DNER: variants seen among roughly 807,000 people sequenced by gnomAD.
DNER encodes delta/notch like EGF repeat containing.
DNER carries 33 observed loss-of-function variants against 78.2 expected under a neutral mutation model. That is an observed-to-expected ratio of 0.42 (90% CI 0.32 to 0.56). The LOEUF (loss-of-function observed/expected upper bound fraction) is 0.56. DNER is among the 20% of genes least tolerant of loss of function. The pLI, the probability that DNER is intolerant of heterozygous loss-of-function variation, is 0.11. For missense variants in DNER, 918 were observed against 975.3 expected (o/e 0.94, Z 0.78); for synonymous variants, 417 against 384.8 (o/e 1.08, Z -0.98).
intron 9 of DNER, among the ~76,000 whole-genome samples, chr2:229,409,063 TA>T: frequency 6.6e-6 from 1 of 152,178 alleles, no homozygotes; most frequent in East Asian, 1.9e-4. Flanking sequence ...GGTTGCATGG[TA>T]ACATAAAAGA....
At chr2:229,435,125 A>G (rs1694095091) in intron 8 of DNER, among the ~76,000 whole-genome samples, 1 of 152,176 alleles carries the variant, frequency 6.6e-6, no homozygotes, top group Non-Finnish European at 1.5e-5. Context: ...GGCAAACAAC[A>G]GAAGAAGCAG....
chr2:229,592,426 C>T (rs148420146), intron 1 of DNER, among the ~76,000 whole-genome samples: 164 of 152,312 alleles, frequency 1.1e-3, no homozygotes, highest in African/African-American at 3.8e-3. Context: ...TAATTAAAGA[C>T]TTCCAAAATG....
intron 5 of DNER, among the ~76,000 whole-genome samples, chr2:229,538,268 A>G (rs2154212993): frequency 6.6e-6 from 1 of 152,348 alleles, no homozygotes; most frequent in Non-Finnish European, 1.5e-5. Context: ...CGTTAGCATT[A>G]AGTCTGGAGC....
At chr2:229,399,375 A>C (rs1693216734) in intron 10 of DNER, among the ~76,000 whole-genome samples, 1 of 151,866 alleles carries the variant, frequency 6.6e-6, no homozygotes, top group Non-Finnish European at 1.5e-5. Context: ...CAGGGAAAAA[A>C]TGTTGATGAA....
chr2:229,466,980 T>C (rs1694818462), intron 7 of DNER, among the ~76,000 whole-genome samples: 1 of 152,176 alleles, frequency 6.6e-6, no homozygotes, highest in South Asian at 2.1e-4. Flanking sequence ...CATAAATTTC[T>C]TTGGTCATCA....
chr2:229,374,433 A>G (rs1336604372), intron 11 of DNER, among the ~76,000 whole-genome samples: 1 of 152,192 alleles, frequency 6.6e-6, no homozygotes, highest in Non-Finnish European at 1.5e-5. Context: ...TACCTTTAAG[A>G]CACCCAAGTA....
intron 4 of DNER, among the ~76,000 whole-genome samples, chr2:229,550,486 C>T (rs1002475477): frequency 2.0e-5 from 3 of 151,928 alleles, no homozygotes; most frequent in African/African-American, 4.8e-5. Context: ...CTTATAAGTA[C>T]GTTAAGTTGG....
intron 1 of DNER, among the ~76,000 whole-genome samples, chr2:229,630,008 T>C (rs901649044): frequency 3.9e-5 from 6 of 152,254 alleles, no homozygotes; most frequent in Non-Finnish European, 7.3e-5. Context: ...ATCTCATCTA[T>C]AGGCACAATC....
At chr2:229,431,061 AAAG>A (rs1693993172) in intron 8 of DNER, among the ~76,000 whole-genome samples, 1 of 152,196 alleles carries the variant, frequency 6.6e-6, no homozygotes, top group Non-Finnish European at 1.5e-5. Context: ...AATATGCAGA[AAAG>A]AAAATCTTTG....
intron 9 of DNER, among the ~76,000 whole-genome samples, chr2:229,407,768 C>T (rs1371862174): frequency 2.0e-5 from 3 of 151,922 alleles, no homozygotes; most frequent in Non-Finnish European, 4.4e-5. Context: ...TAAGTGAGTC[C>T]CAGTTCTACT....
At chr2:229,480,013 A>G (rs1695122391) in intron 6 of DNER, among the ~76,000 whole-genome samples, 1 of 152,226 alleles carries the variant, frequency 6.6e-6, no homozygotes, top group Non-Finnish European at 1.5e-5. Context: ...CATGACCCAC[A>G]GCCAGCAGCC....
intron 1 of DNER, among the ~76,000 whole-genome samples, chr2:229,673,669 A>C (rs1194506289): frequency 6.6e-6 from 1 of 152,170 alleles, no homozygotes; most frequent in Non-Finnish European, 1.5e-5. Flanking sequence ...TCAGAATGCC[A>C]GGACAGTGCT....
At chr2:229,388,115 A>T in intron 11 of DNER, 150 bp downstream of exon 11, 1 of 1,181,586 alleles carries the variant, frequency 8.5e-7, no homozygotes, top group Admixed American at 2.7e-5. Flanking sequence ...GGGCAAGTGT[A>T]GCTCCGGTTG....
At chr2:229,440,470 T>C (rs1694208656) in intron 8 of DNER, among the ~76,000 whole-genome samples, 1 of 152,028 alleles carries the variant, frequency 6.6e-6, no homozygotes, top group Non-Finnish European at 1.5e-5. Context: ...TCCTCTGCCC[T>C]CTCCTGTGGC....
At chr2:229,663,590 A>G (rs1699043125) in intron 1 of DNER, among the ~76,000 whole-genome samples, 1 of 152,232 alleles carries the variant, frequency 6.6e-6, no homozygotes, top group African/African-American at 2.4e-5. Context: ...TAAAATTTTT[A>G]AAGTAACACC....
chr2:229,517,599 G>T (rs1353665481), intron 5 of DNER, among the ~76,000 whole-genome samples: 1 of 152,234 alleles, frequency 6.6e-6, no homozygotes, highest in Admixed American at 6.5e-5. Flanking sequence ...TGTCGCTAGA[G>T]TATAGCAAAT....
chr2:229,467,856 G>A (rs1049178964), intron 7 of DNER, among the ~76,000 whole-genome samples: 7 of 152,252 alleles, frequency 4.6e-5, no homozygotes, highest in South Asian at 4.1e-4. Context: ...AATAAAAAGC[G>A]AAAAACTTCT....
intron 1 of DNER, among the ~76,000 whole-genome samples, chr2:229,704,626 A>G (rs893651475): frequency 1.3e-5 from 2 of 152,196 alleles, no homozygotes; most frequent in Non-Finnish European, 2.9e-5. Context: ...GCAAAACTAT[A>G]GTGATGGAAA....
chr2:229,609,771 G>T (rs565272643), intron 1 of DNER, among the ~76,000 whole-genome samples: 1 of 152,152 alleles, frequency 6.6e-6, no homozygotes, highest in East Asian at 1.9e-4. Flanking sequence ...AGGCAAGGAC[G>T]ATTTTCTTCT....
Sources: gnomAD v4.1 joint callset for allele counts (sites outside exome capture counted in the v4.1 genomes callset) on GRCh38, gnomAD v4.1.1 for gene constraint, MANE v1.5 for transcripts, NCBI Gene and HGNC (gene_info 2026-07-23, HGNC 2026-07-21) for gene names.